The following SYCP2 variants were observed in gnomAD, a reference collection of about 807,000 sequenced individuals.
SYCP2 encodes synaptonemal complex lateral element protein.
In SYCP2, 55 loss-of-function variants were observed where a neutral mutation model predicts 211.3. That is an observed-to-expected ratio of 0.26 (90% confidence interval 0.21 to 0.33). SYCP2 has a LOEUF of 0.33. Among genes scored for constraint, SYCP2 ranks in the 10% least tolerant of loss-of-function variants. The pLI is 1.00. For missense variants in SYCP2, 1,731 were observed against 1,752.0 expected (o/e 0.99, Z 0.21); for synonymous variants, 570 against 555.2 (o/e 1.03, Z -0.37).
At chr20:59,926,212 G>A (rs1253784840) in intron 2 of SYCP2, among the ~76,000 whole-genome samples, 1 of 152,046 alleles carries the variant, frequency 6.6e-6, no homozygotes, top group Non-Finnish European at 1.5e-5. Context: ...TCACAGCTAT[G>A]TGTGGACTCT....
intron 15 of SYCP2, among the ~76,000 whole-genome samples, chr20:59,903,281 T>A (rs1324153789): frequency 6.6e-6 from 1 of 152,144 alleles, no homozygotes; most frequent in African/African-American, 2.4e-5. Flanking sequence ...TTTTGTTGCT[T>A]GCTATAAAAT....
At chr20:59,865,737 T>C in intron 42 of SYCP2, 70 bp downstream of exon 42, 2 of 1,091,208 alleles carry the variant, frequency 1.8e-6, no homozygotes, top group Admixed American at 3.3e-5. Context: ...ATTTTAATTT[T>C]TCAAATAGAA....
At chr20:59,878,111 ACAT>A in intron 31 of SYCP2, 66 bp from the exon 32 acceptor site, 12 of 1,024,800 alleles carry the variant, frequency 1.2e-5, no homozygotes, top group Non-Finnish European at 1.0e-5. Flanking sequence ...ATTTATTAGA[ACAT>A]CATTTCAGCA....
intron 2 of SYCP2, among the ~76,000 whole-genome samples, chr20:59,927,086 G>C (rs1568990609): frequency 6.6e-6 from 1 of 152,086 alleles, no homozygotes; most frequent in Non-Finnish European, 1.5e-5. Context: ...GCTGATGAAA[G>C]AACTCCAACT....
intron 26 of SYCP2, among the ~76,000 whole-genome samples, chr20:59,882,667 T>C (rs1055918224): frequency 6.6e-6 from 1 of 151,936 alleles, no homozygotes; most frequent in African/African-American, 2.4e-5. Context: ...TAAAGTGAAA[T>C]AAGCCAAACA....
chr20:59,918,614 C>T (rs2060484473), intron 7 of SYCP2, among the ~76,000 whole-genome samples: 1 of 152,148 alleles, frequency 6.6e-6, no homozygotes, highest in Non-Finnish European at 1.5e-5. Context: ...CCTAACAATT[C>T]TATTAATGCC....
At chr20:59,900,636 A>C in intron 17 of SYCP2, 108 bp downstream of exon 17, 1 of 755,016 alleles carries the variant, frequency 1.3e-6, no homozygotes, top group Non-Finnish European at 2.2e-6. Context: ...TTATATTGAG[A>C]CCATTTGTTT....
intron 17 of SYCP2, 30 bp from the exon 18 acceptor site, chr20:59,900,314 TA>T: frequency 5.2e-6 from 8 of 1,545,240 alleles, no homozygotes; most frequent in Non-Finnish European, 6.9e-6. Context: ...AAAAAGTATT[TA>T]AAACTGCAAA....
At chr20:59,919,930 T>C (rs961451006) in intron 5 of SYCP2, among the ~76,000 whole-genome samples, 1 of 151,726 alleles carries the variant, frequency 6.6e-6, no homozygotes, top group Non-Finnish European at 1.5e-5. Flanking sequence ...TGTTACTATA[T>C]GAAAAGTTTT....
chr20:59,895,740 T>A, intron 19 of SYCP2, 143 bp from the exon 20 acceptor site: 1 of 929,380 alleles, frequency 1.1e-6, no homozygotes, highest in Non-Finnish European at 1.6e-6. Context: ...TGAATATAGA[T>A]GCCATCTACC....
intron 24 of SYCP2, among the ~76,000 whole-genome samples, chr20:59,891,462 A>AAC (rs1046685785): frequency 1.3e-5 from 2 of 151,970 alleles, no homozygotes; most frequent in African/African-American, 4.8e-5. Flanking sequence ...AATGATGAGT[A>AAC]ACAGTTACAA....
chr20:59,866,166 G>C, intron 41 of SYCP2, 127 bp downstream of exon 41: 1 of 557,982 alleles, frequency 1.8e-6, no homozygotes, highest in East Asian at 3.1e-5. Flanking sequence ...AGAAATCTAA[G>C]ATAAAACTAA....
chr20:59,895,347 C>T (rs2145750347), intron 20 of SYCP2, 90 bp downstream of exon 20: 1 of 1,079,322 alleles, frequency 9.3e-7, no homozygotes. Flanking sequence ...CAAAATGAGA[C>T]ACTTGCAGCT....
At chr20:59,894,792 C>T (rs908546278) in intron 20 of SYCP2, among the ~76,000 whole-genome samples, 2 of 152,030 alleles carry the variant, frequency 1.3e-5, no homozygotes, top group Admixed American at 6.6e-5. Flanking sequence ...TTATCTGCAT[C>T]GCTGATCACC....
At chr20:59,881,383 A>C (rs1292378866) in intron 29 of SYCP2, 54 bp downstream of exon 29, 5 of 907,758 alleles carry the variant, frequency 5.5e-6, no homozygotes, top group Non-Finnish European at 8.4e-6. Context: ...CTGGGAGGAG[A>C]TATTTAAGAG....
At chr20:59,923,513 AT>A in intron 2 of SYCP2, among the ~76,000 whole-genome samples, 1 of 151,674 alleles carries the variant, frequency 6.6e-6, no homozygotes, top group Admixed American at 6.6e-5. Flanking sequence ...TAAATATTGT[AT>A]GTTACAAAAC....
At chr20:59,882,410 A>G (rs1463644107) in intron 26 of SYCP2, among the ~76,000 whole-genome samples, 1 of 152,144 alleles carries the variant, frequency 6.6e-6, no homozygotes, top group African/African-American at 2.4e-5. Context: ...TCAAAAAACT[A>G]AAAATAGAAC....
Position 59,877,572 on chromosome 20 carries a change from C to T in SYCP2, c.2980-17G>A, listed in dbSNP as rs2059585817. The T allele has an allele frequency of 3.2e-6, 5 of 1,569,786 alleles. No individual in the cohort carries two copies. The highest frequency in any genetic ancestry group is 4.3e-6 in the Non-Finnish European group (5 of 1,166,228). ...ACTGGGTGTCTTTAGGAGAAAAATT[C>T]CTGAATATTAGATCAATATTTGAGG... is the stretch of plus-strand genomic sequence containing the variant. On this transcript the variant is annotated splice_polypyrimidine_tract_variant and intron_variant, in intron 32 of 44. Coordinates refer to ENST00000357552, the MANE Select transcript of SYCP2 (RefSeq NM_014258.4).
Position 59,866,276 on chromosome 20 carries a change from T to C in SYCP2, c.4320+17A>G. 6.5e-7 allele frequency: 1 copy of C among 1,531,698 alleles called. No individual in the cohort carries two copies. Among genetic ancestry groups the C allele is most frequent in the Non-Finnish European group, 8.8e-7 (1 of 1,131,442 alleles). The allele number at this position is 1,531,698 out of a possible 1,614,324, so 94.9% of individuals were successfully genotyped here. On this transcript the variant is annotated intron_variant, in intron 41 of 44. Coordinates refer to ENST00000357552, the MANE Select transcript of SYCP2 (RefSeq NM_014258.4). ...TAAGGTTTTAAACTTATTTAAAAAATTTTTAAAGTAACAAACCACAAATTC... is the reference window on the plus strand; with the variant it reads ...TAAGGTTTTAAACTTATTTAAAAAACTTTTAAAGTAACAAACCACAAATTC...
Sources: allele counts gnomAD v4.1 joint callset (sites outside exome capture counted in the v4.1 genomes callset), GRCh38; gene constraint gnomAD v4.1.1; transcripts MANE v1.5; gene names NCBI Gene and HGNC (gene_info 2026-07-23, HGNC 2026-07-21).